Variants in OBSL1 observed in about 807,000 individuals in gnomAD.
OBSL1 encodes the protein obscurin-like protein 1.
Under a neutral mutation model 172.0 loss-of-function variants are expected in OBSL1, and 160 were observed. The ratio of observed to expected loss-of-function variants is 0.93; its 90% CI spans 0.82 to 1.06. The LOEUF is 1.06. OBSL1 is among the 50% of genes least tolerant of loss of function. OBSL1 has a pLI of 0.00. For missense variants in OBSL1, 2,681 were observed against 2,715.4 expected (o/e 0.99, Z 0.28); for synonymous variants, 1,200 against 1,196.3 (o/e 1.00, Z -0.06).
At chr2:219,551,998 TCGGGG>T (rs1490917964) in intron 19 of OBSL1, 109 bp downstream of exon 19, 12 of 1,159,158 alleles carry the variant, frequency 1.0e-5, no homozygotes, top group Non-Finnish European at 1.5e-5. Flanking sequence ...GGAGAGCCCC[TCGGGG>T]GGAAGGGAAG....
chr2:219,561,911 T>TG (rs1398490417), intron 8 of OBSL1: 1 of 717,268 alleles, frequency 1.4e-6, no homozygotes, highest in African/African-American at 1.7e-5. Context: ...TTCGTCGCCA[T>TG]GGGGGGAAGC....
chr2:219,549,658 G>A, downstream of OBSL1: 1 of 1,597,034 alleles, frequency 6.3e-7, no homozygotes, highest in South Asian at 1.1e-5. Flanking sequence ...TTCAGGAAGA[G>A]GTGGCTTTTA....
In OBSL1 at chr2:219,571,504, C is replaced by T; in HGVS notation, c.-272G>A. ...TTTGCCTCTCCAGCGAGTGGCCCCGCAGCCTCCCCTGCCCGCTGCCTGGCT... is the reference window on the plus strand; with the variant it reads ...TTTGCCTCTCCAGCGAGTGGCCCCGTAGCCTCCCCTGCCCGCTGCCTGGCT... On this transcript the variant is annotated 5_prime_UTR_variant, in exon 1 of 21. Transcript: ENST00000404537. The T allele has an allele frequency of 3.8e-6, 1 of 261,822 alleles. No homozygotes were observed. Among genetic ancestry groups the T allele is most frequent in the Non-Finnish European group, 7.2e-6 (1 of 138,984 alleles). 16.2% of individuals were successfully genotyped at this position (261,822 alleles called of 1,614,324 possible). A position where few individuals can be genotyped will look rare whatever the true frequency, so the allele number is the denominator to read the frequency against.
chr2:219,556,730 G>A lies in OBSL1; in HGVS notation c.4067-7C>T, dbSNP rs757505929. On this transcript the variant is annotated splice_polypyrimidine_tract_variant and splice_region_variant and intron_variant, in intron 12 of 20. Transcript: ENST00000404537. ...AGCTTCACCAGCAGTGGCTCTAAGG[G>A]GCACGGTAAGGCAGTGAGCTGGGCT... 16 of 1,590,202 alleles carry A rather than the reference G, an allele frequency of 1.0e-5. No homozygotes were observed. The highest frequency in any genetic ancestry group is 1.3e-5 in the African/African-American group (1 of 74,526).
chr2:219,557,921 C>T lies in OBSL1; in HGVS notation c.3692G>A (p.Cys1231Tyr), dbSNP rs1236258467. 1 of 1,605,776 alleles carries T rather than the reference C, an allele frequency of 6.2e-7. No individual in the cohort carries two copies. ...LHAEGPRRVLCIQAAGPAHAG... is the reference protein window; with the variant it reads ...LHAEGPRRVLYIQAAGPAHAG... Reference sequence around the variant, plus strand: ...ATGGGCTGGGCCTGCAGCCTGGATGCAGAGGACTCGGCGGGGGCCCTCGGC... The same window carrying T: ...ATGGGCTGGGCCTGCAGCCTGGATGTAGAGGACTCGGCGGGGGCCCTCGGC... Residue 1231 changes from cysteine to tyrosine, a missense_variant, in exon 11 of 21, where the codon TGC (cysteine) becomes TAC (tyrosine). Cys to Tyr is a radical substitution (Grantham distance 194, BLOSUM62 -2). Coordinates refer to ENST00000404537, the MANE Select transcript of OBSL1 (RefSeq NM_015311.3).
At position 219,563,848 on chromosome 2, in the gene OBSL1, A is replaced by G. The variant is rs112141828; in HGVS notation, c.2408-221T>C. 0.033 allele frequency among the ~76,000 whole-genome samples: 4,999 copies of G among 152,214 alleles called. 103 individuals are homozygous for G. The highest frequency in any genetic ancestry group is 0.046 in the Non-Finnish European group (3,148 of 68,004). ...CACCAGAGTGCTCTGTAGGTCCCCA[A>G]AGGATCAGAGGTGGCGGGGTGAGTA... is the stretch of plus-strand genomic sequence containing the variant. On this transcript the variant is annotated intron_variant, in intron 6 of 20. Coordinates refer to ENST00000404537, the MANE Select transcript of OBSL1 (RefSeq NM_015311.3).
At chr2:219,559,141 G>A in intron 9 of OBSL1, 84 bp downstream of exon 9, 1 of 1,298,580 alleles carries the variant, frequency 7.7e-7, no homozygotes, top group Non-Finnish European at 1.1e-6. Context: ...CTGGGGATGG[G>A]GTGGGGGAGG....
At position 219,553,639 on chromosome 2, in the gene OBSL1, C is replaced by G. The variant is rs762255736; in HGVS notation, c.4924G>C (p.Glu1642Gln). 6 of 1,613,894 alleles carry G rather than the reference C, an allele frequency of 3.7e-6. No individual in the cohort carries two copies. The highest frequency in any genetic ancestry group is 5.1e-6 in the Non-Finnish European group (6 of 1,179,900). The change falls in exon 16 of 21, where the codon GAG (glutamate) becomes CAG (glutamine). Residue 1642 changes from glutamate (E) to glutamine (Q), a missense_variant. By Grantham distance (29) the Glu-to-Gln change is conservative. Around this residue, in one of 5 missense-constraint regions of OBSL1, gnomAD observed 1,765 missense variants for 1,748.3 expected, o/e 1.01. Transcript: ENST00000404537. ...CACTCGAACGTAGCTGTGTCGCCCT[C>G]GGTCACCTCTAGGTCGTGTGGCCCC... ...VRGPHDLEVT[E>Q]GDTATFECEL... is the part of the protein sequence containing the mutation.
intron 8 of OBSL1, chr2:219,562,031 G>A: frequency 1.4e-6 from 1 of 717,262 alleles, no homozygotes. Flanking sequence ...CAAAGCACAT[G>A]TGTGGAATGC....
rs1318612081 is a variant in OBSL1, at chr2:219,562,597, A to G, written c.2758T>C (p.Cys920Arg). ...TCTGCCCAGGGCCGGCATAGCTCAC[A>G]GGTCAGCACCACACGCTCCAGGCGC... is the stretch of plus-strand genomic sequence containing the variant. The part of the protein sequence containing the change: ...AVRLERVVLT[C>R]ELCRPWAEVR... Residue 920 changes from cysteine to arginine, a missense_variant, in exon 8 of 21, where the codon TGT becomes CGT. By Grantham distance (180) the Cys-to-Arg change is radical (BLOSUM62 -3). Transcript: ENST00000404537. 4 of 1,610,620 alleles carry G rather than the reference A, an allele frequency of 2.5e-6. No homozygotes were observed. The highest frequency in any genetic ancestry group is 2.5e-6 in the Non-Finnish European group (3 of 1,178,614).
chr2:219,566,953 G>T lies in OBSL1; in HGVS notation c.2011C>A (p.Arg671Ser). ...TGCTGCAGACCCTTCTGCTCTATAC[G>T]GTACCGCAGGGCCCCAGGTTCCACC... ...GQVEPGALRYRIEQKGLQHRL... is the reference protein window; with the variant it reads ...GQVEPGALRYSIEQKGLQHRL... The change falls in exon 5 of 21, where the codon CGT becomes AGT. Residue 671 changes from arginine (R) to serine (S), a missense_variant. This residue lies in a region of OBSL1 where 1,765 missense variants were observed against 1,748.3 expected (regional missense o/e 1.01). Coordinates refer to ENST00000404537, the MANE Select transcript of OBSL1 (RefSeq NM_015311.3). 1 of 1,613,772 alleles carries T rather than the reference G, an allele frequency of 6.2e-7. No individual in the cohort carries two copies. The highest frequency in any genetic ancestry group is 8.5e-7 in the Non-Finnish European group (1 of 1,179,882).
rs1331707018 is a variant in OBSL1, at chr2:219,557,908, T to C, written c.3705A>G (p.Ala1235=). 7 of 1,603,650 alleles carry C rather than the reference T, an allele frequency of 4.4e-6. No homozygotes were observed. The highest frequency in any genetic ancestry group is 2.2e-5 in the East Asian group (1 of 44,826). Residue 1235 remains alanine, a synonymous_variant, in exon 11 of 21, where the codon GCA becomes GCG. Coordinates refer to ENST00000404537, the MANE Select transcript of OBSL1 (RefSeq NM_015311.3). Reference sequence around the variant, plus strand: ...TGTAGAGCCCTGCATGGGCTGGGCCTGCAGCCTGGATGCAGAGGACTCGGC... The same window carrying C: ...TGTAGAGCCCTGCATGGGCTGGGCCCGCAGCCTGGATGCAGAGGACTCGGC... ...GPRRVLCIQA[A]GPAHAGLYTC... is the part of the protein sequence containing the mutation.
At chr2:219,556,973 G>T in intron 12 of OBSL1, 1 of 520,580 alleles carries the variant, frequency 1.9e-6, no homozygotes, top group Non-Finnish European at 3.4e-6. Context: ...AATTACCAGG[G>T]ACCCTATTTA....
downstream of OBSL1, among the ~76,000 whole-genome samples, chr2:219,548,347 C>G (rs115568007): frequency 8.7e-3 from 1,324 of 152,326 alleles, 19 homozygotes; most frequent in African/African-American, 0.03. Flanking sequence ...CTTATGGATT[C>G]AAGGCAGGCA....
In OBSL1 at chr2:219,553,705, G is replaced by A. The variant is rs760983839; in HGVS notation, c.4877-19C>T. 6.3e-7 allele frequency: 1 copy of A among 1,580,282 alleles called. No homozygotes were observed. The highest frequency in any genetic ancestry group is 1.7e-5 in the Admixed American group (1 of 59,512). The stretch of plus-strand genomic sequence containing the variant: ...GGGACCTCTGGGGGTGGGAGAGGGA[G>A]GACAGTGCAGAGGGAGCAGGATGGG... On this transcript the variant is annotated intron_variant, in intron 15 of 20. Coordinates refer to ENST00000404537, the MANE Select transcript of OBSL1 (RefSeq NM_015311.3).
In OBSL1 at chr2:219,557,542, C is replaced by G; in HGVS notation, c.3867G>C (p.Leu1289=). 1 of 1,553,516 alleles carries G rather than the reference C, an allele frequency of 6.4e-7. No individual in the cohort carries two copies. The highest frequency in any genetic ancestry group is 1.2e-5 in the South Asian group (1 of 84,260). The change falls in exon 12 of 21, where the codon CTG becomes CTC. Residue 1289 remains leucine (L), a synonymous_variant. Coordinates refer to ENST00000404537, the MANE Select transcript of OBSL1 (RefSeq NM_015311.3). The stretch of plus-strand genomic sequence containing the variant: ...CCCCTGGCCCGGAGAGGTGCACCAC[C>G]AGCTCTAGGTCCCCGCCTGGGGTGC... ...VRSTPGGDLE[L]VVHLSGPGGP...
chr2:219,553,281 A>AG (rs1270614083), intron 16 of OBSL1, among the ~76,000 whole-genome samples: 8 of 152,144 alleles, frequency 5.3e-5, no homozygotes. Flanking sequence ...TATCGATCAC[A>AG]GGGGACATGG....
rs1696931558 is a variant in OBSL1, at chr2:219,566,871, C to T, written c.2093G>A (p.Ser698Asn). Residue 698 changes from serine (S) to asparagine (N), a missense_variant, in exon 5 of 21, where the codon AGC becomes AAC. Ser to Asn is a conservative substitution (Grantham distance 46, BLOSUM62 1). Transcript: ENST00000404537. ...AGCTGAGTCCTGCACGCCGGGGCAG[C>T]TGAAGCCGACCAGGGCACCGCTGTC... ...HQDSGALVGF[S>N]CPGVQDSAAL... 6.3e-7 allele frequency: 1 copy of T among 1,599,696 alleles called. No individual in the cohort carries two copies. The highest frequency in any genetic ancestry group is 1.3e-5 in the African/African-American group (1 of 74,646).
rs1472775954 is a variant in OBSL1 at position 219,557,581 on chromosome 2, C to A, written c.3828G>T (p.Gln1276His). ...PVRVVAPEAA[Q>H]TRVRSTPGGD... ...CGCCTGGGGTGCTCCGAACCCTCGT[C>A]TGGGCTGCCTCGGGAGCTACCACCC... is the stretch of plus-strand genomic sequence containing the variant. The change falls in exon 12 of 21, where the codon CAG becomes CAT. Residue 1276 changes from glutamine (Q) to histidine (H), a missense_variant. Coordinates refer to ENST00000404537, the MANE Select transcript of OBSL1 (RefSeq NM_015311.3). 1.5e-5 allele frequency: 23 copies of A among 1,547,590 alleles called. No homozygotes were observed. Among genetic ancestry groups the A allele is most frequent in the Non-Finnish European group, 2.0e-5 (23 of 1,144,704 alleles).
Sources: allele counts gnomAD v4.1 joint callset (sites outside exome capture counted in the v4.1 genomes callset), GRCh38; gene constraint gnomAD v4.1.1; regional missense constraint gnomAD v4.1.1; transcripts MANE v1.5; gene names NCBI Gene and HGNC (gene_info 2026-07-23, HGNC 2026-07-21).